Variants in KHDRBS2 observed in about 807,000 individuals in gnomAD.
KHDRBS2 encodes the protein KH RNA binding domain containing, signal transduction associated 2, also known as KH domain-containing, RNA-binding, signal transduction-associated protein 2.
KHDRBS2 carries 26 observed loss-of-function variants against 44.3 expected under a neutral mutation model. The ratio of observed to expected loss-of-function variants is 0.59; its 90% CI spans 0.43 to 0.81. KHDRBS2 has a LOEUF of 0.81. Ranked by LOEUF, KHDRBS2 falls within the 40% of genes least tolerant of loss-of-function variation. KHDRBS2 has a pLI of 0.00. For missense variants in KHDRBS2, 476 were observed against 433.1 expected, an observed-to-expected ratio of 1.10 and a Z score of -0.88; for synonymous variants, 194 against 151.1, an observed-to-expected ratio of 1.28 and a Z score of -2.08.
intron 7 of KHDRBS2, among the ~76,000 whole-genome samples, chr6:61,716,885 T>C (rs868790756): frequency 5.3e-5 from 8 of 152,180 alleles, no homozygotes; most frequent in Middle Eastern, 6.8e-3. Flanking sequence ...ATGCTTCCTA[T>C]TTTTGAAGCA....
chr6:61,904,388 T>C (rs1251434216), intron 4 of KHDRBS2, among the ~76,000 whole-genome samples: 2 of 152,184 alleles, frequency 1.3e-5, no homozygotes, highest in Non-Finnish European at 2.9e-5. Flanking sequence ...TAATTAGTAG[T>C]GTAAGCAAAG....
intron 5 of KHDRBS2, among the ~76,000 whole-genome samples, chr6:61,900,402 A>G (rs1294435695): frequency 2.0e-5 from 3 of 152,142 alleles, no homozygotes; most frequent in Non-Finnish European, 4.4e-5. Context: ...TCCTTTAGAG[A>G]TTTAAAAGCC....
At chr6:62,080,054 A>T (rs1397929319) in intron 2 of KHDRBS2, among the ~76,000 whole-genome samples, 1 of 152,006 alleles carries the variant, frequency 6.6e-6, no homozygotes, top group Admixed American at 6.6e-5. Flanking sequence ...TAAAATGCAA[A>T]TTTAAATTGT....
At chr6:61,635,148 TA>T in the KHDRBS2 span, among the ~76,000 whole-genome samples, 1 of 152,070 alleles carries the variant, frequency 6.6e-6, no homozygotes, top group South Asian at 2.1e-4. Flanking sequence ...AAGTATGTTT[TA>T]ATTTTTTGAT....
intron 6 of KHDRBS2, among the ~76,000 whole-genome samples, chr6:61,811,791 T>C (rs559153339): frequency 3.9e-5 from 6 of 152,114 alleles, no homozygotes; most frequent in Non-Finnish European, 7.4e-5. Context: ...CCAAATCAGA[T>C]ACCTAAATGT....
chr6:61,944,915 A>T (rs1269526797), intron 4 of KHDRBS2, among the ~76,000 whole-genome samples: 1 of 150,952 alleles, frequency 6.6e-6, no homozygotes, highest in Non-Finnish European at 1.5e-5. Flanking sequence ...ACATGAGGAA[A>T]CCCCATCTCT....
the KHDRBS2 span, among the ~76,000 whole-genome samples, chr6:61,642,542 G>T: frequency 2.0e-5 from 3 of 150,808 alleles, no homozygotes; most frequent in Non-Finnish European, 4.4e-5. Context: ...TGTGCCTGTG[G>T]TCCCAGCTAC....
intron 6 of KHDRBS2, among the ~76,000 whole-genome samples, chr6:61,804,875 T>A (rs1241145764): frequency 6.6e-6 from 1 of 152,190 alleles, no homozygotes; most frequent in African/African-American, 2.4e-5. Flanking sequence ...TGGGAAGAAC[T>A]GCCACGAAGG....
the KHDRBS2 span, among the ~76,000 whole-genome samples, chr6:61,597,730 T>TATATATATATATA: frequency 4.5e-4 from 14 of 31,386 alleles, no homozygotes; most frequent in Non-Finnish European, 6.2e-4. Context: ...ATTTTGCACC[T>TATATATATATATA]TTTATATATA....
chr6:62,281,677 G>A (rs1841825733), intron 1 of KHDRBS2, among the ~76,000 whole-genome samples: 1 of 152,102 alleles, frequency 6.6e-6, no homozygotes, highest in Admixed American at 6.5e-5. Flanking sequence ...AGCATCACAA[G>A]CAGAAGTTGT....
intron 6 of KHDRBS2, among the ~76,000 whole-genome samples, chr6:61,890,645 T>A (rs888659450): frequency 2.6e-5 from 4 of 152,230 alleles, no homozygotes; most frequent in Non-Finnish European, 4.4e-5. Context: ...ACATAAAGAT[T>A]GTTGAGCTAC....
At chr6:61,882,034 A>G (rs1242067782) in intron 6 of KHDRBS2, among the ~76,000 whole-genome samples, 1 of 152,106 alleles carries the variant, frequency 6.6e-6, no homozygotes, top group East Asian at 1.9e-4. Flanking sequence ...AACATCCAGT[A>G]CTACTGCACA....
intron 2 of KHDRBS2, among the ~76,000 whole-genome samples, chr6:62,142,098 G>A (rs563145610): frequency 6.6e-6 from 1 of 151,944 alleles, no homozygotes; most frequent in African/African-American, 2.4e-5. Context: ...TGAATATACT[G>A]AATTTGTGGG....
the KHDRBS2 span, among the ~76,000 whole-genome samples, chr6:61,579,078 CA>C: frequency 1.3e-5 from 2 of 152,120 alleles, no homozygotes. Context: ...AGTTTAAATG[CA>C]GAATAAGCAC....
chr6:62,241,937 G>T (rs1299314008), intron 1 of KHDRBS2, among the ~76,000 whole-genome samples: 2 of 152,110 alleles, frequency 1.3e-5, no homozygotes, highest in Admixed American at 6.6e-5. Context: ...GGTCAGGAAA[G>T]ATCTCCCAAA....
chr6:62,006,832 TG>T (rs528870451), intron 3 of KHDRBS2, among the ~76,000 whole-genome samples: 131 of 152,082 alleles, frequency 8.6e-4, no homozygotes, highest in African/African-American at 2.9e-3. Context: ...CAAAGGATGA[TG>T]GTGGAATCAT....
At chr6:61,777,321 C>G (rs900112272) in intron 6 of KHDRBS2, among the ~76,000 whole-genome samples, 6 of 151,914 alleles carry the variant, frequency 3.9e-5, no homozygotes, top group African/African-American at 1.4e-4. Flanking sequence ...TCCACTGGGT[C>G]TAACAAAATA....
the KHDRBS2 span, among the ~76,000 whole-genome samples, chr6:61,570,784 TAATTGTCCGCC>T: frequency 1.3e-5 from 2 of 152,164 alleles, no homozygotes; most frequent in African/African-American, 4.8e-5. Context: ...TAAAACAAAA[TAATTGTCCGCC>T]AAGACTTTTG....
At chr6:62,223,974 AC>A (rs1444129794) in intron 1 of KHDRBS2, among the ~76,000 whole-genome samples, 1 of 152,140 alleles carries the variant, frequency 6.6e-6, no homozygotes, top group Non-Finnish European at 1.5e-5. Flanking sequence ...TCTTCCTGTT[AC>A]CCAGTTCCAA....
Sources: allele counts gnomAD v4.1 joint callset (sites outside exome capture counted in the v4.1 genomes callset), GRCh38; gene constraint gnomAD v4.1.1; transcripts MANE v1.5; gene names NCBI Gene and HGNC (gene_info 2026-07-23, HGNC 2026-07-21).